NLGN4X: variants seen among roughly 807,000 people sequenced by gnomAD.
NLGN4X encodes the protein neuroligin 4 X-linked.
NLGN4X carries 3 observed loss-of-function variants against 40.3 expected under a neutral mutation model. The observed-to-expected ratio is 0.07, with a 90% confidence interval of 0.03 to 0.19. NLGN4X has a LOEUF of 0.19. Among genes scored for constraint, NLGN4X ranks in the 10% least tolerant of loss-of-function variants. NLGN4X has a pLI of 1.00. For missense variants in NLGN4X, 382 were observed against 708.3 expected, an observed-to-expected ratio of 0.54 and a Z score of 5.23; for synonymous variants, 270 against 306.8, an observed-to-expected ratio of 0.88 and a Z score of 1.25.
At chrX:6,102,731 GATAT>G (rs941835319) in intron 2 of NLGN4X, among the ~76,000 whole-genome samples, 6 of 110,061 alleles carry the variant, frequency 5.5e-5, no homozygotes, top group Admixed American at 3.9e-4. Context: ...AAGATAGATC[GATAT>G]ATATATAGAT....
intron 1 of NLGN4X, among the ~76,000 whole-genome samples, chrX:6,212,275 T>G (rs757697791): frequency 9.2e-6 from 1 of 108,893 alleles, no homozygotes; most frequent in African/African-American, 3.3e-5. Context: ...TTGAAATGGC[T>G]ACGATTTGCT....
intron 1 of NLGN4X, among the ~76,000 whole-genome samples, chrX:6,164,856 G>C (rs1380236773): frequency 9.0e-6 from 1 of 111,326 alleles, no homozygotes; most frequent in Non-Finnish European, 1.9e-5. Context: ...TCCTATTTCG[G>C]TGTGATGCTT....
At chrX:5,902,979 C>T (rs1385143149) in intron 5 of NLGN4X, 98 bp downstream of exon 5, 45 of 955,940 alleles carry the variant, frequency 4.7e-5, no homozygotes, top group South Asian at 7.9e-5. Context: ...TGTGTGTATG[C>T]GTGTGTGCTC....
chrX:6,140,184 A>AGAT (rs1490953105), intron 2 of NLGN4X, among the ~76,000 whole-genome samples: 2 of 111,594 alleles, frequency 1.8e-5, no homozygotes, highest in Non-Finnish European at 3.8e-5. Flanking sequence ...CCTTTGCCTG[A>AGAT]GATAAATCAG....
intron 1 of NLGN4X, among the ~76,000 whole-genome samples, chrX:6,192,479 A>G (rs909474084): frequency 9.0e-5 from 10 of 111,372 alleles, no homozygotes; most frequent in African/African-American, 2.9e-4. Flanking sequence ...CCCATGTTTG[A>G]CAGCAAAGAA....
chrX:6,095,045 C>A (rs1478732109), intron 2 of NLGN4X, among the ~76,000 whole-genome samples: 2 of 106,599 alleles, frequency 1.9e-5, no homozygotes, highest in Non-Finnish European at 3.8e-5. Flanking sequence ...TCCATGTGTA[C>A]GAGCCTTAGT....
intron 1 of NLGN4X, among the ~76,000 whole-genome samples, chrX:6,173,041 T>C (rs1421548490): frequency 8.9e-6 from 1 of 112,237 alleles, no homozygotes; most frequent in Non-Finnish European, 1.9e-5. Context: ...CCTTATGTCC[T>C]AACTTTCTCA....
intron 2 of NLGN4X, among the ~76,000 whole-genome samples, chrX:6,040,348 G>C (rs186246663): frequency 9.3e-4 from 104 of 111,547 alleles, no homozygotes; most frequent in African/African-American, 3.3e-3. Flanking sequence ...AGTTTACACA[G>C]TTGAGCATTG....
rs934576067 is a variant in NLGN4X at position 6,054,129 on chromosome X, G to A, written c.473-24697C>T. Among the ~76,000 whole-genome samples, 24 of 111,932 alleles carry A rather than the reference G, an allele frequency of 2.1e-4. No homozygotes were observed. The Admixed American group carries it at 2.2e-3, about 10-fold the overall frequency. ...ACTTAGTCAAGAAGGTGTTTAATAC[G>A]TGCAACTTTTTTTTTATTTATTTTT... On this transcript the variant is annotated intron_variant, in intron 2 of 5. Coordinates refer to ENST00000381095, the MANE Select transcript of NLGN4X (RefSeq NM_181332.3).
intron 3 of NLGN4X, among the ~76,000 whole-genome samples, chrX:5,910,586 G>A (rs2032430310): frequency 9.0e-6 from 1 of 111,055 alleles, no homozygotes; most frequent in African/African-American, 3.3e-5. Context: ...GAGTGACTGA[G>A]TGCCGGCTTC....
At chrX:5,976,463 G>A (rs765119436) in intron 3 of NLGN4X, among the ~76,000 whole-genome samples, 27 of 112,195 alleles carry the variant, frequency 2.4e-4, no homozygotes, top group Non-Finnish European at 3.9e-4. Context: ...AGTGACTAAT[G>A]AAACTTCTTG....
At chrX:6,184,997 C>T (rs1205414191) in intron 1 of NLGN4X, among the ~76,000 whole-genome samples, 2 of 112,468 alleles carry the variant, frequency 1.8e-5, no homozygotes, top group Non-Finnish European at 3.8e-5. Flanking sequence ...TTAGACCTTA[C>T]GGCTACTGGT....
At chrX:5,922,525 G>A (rs2033111257) in intron 3 of NLGN4X, among the ~76,000 whole-genome samples, 1 of 111,547 alleles carries the variant, frequency 9.0e-6, no homozygotes, top group Non-Finnish European at 1.9e-5. Context: ...ACTTTATGCT[G>A]TACTGCCTCA....
intron 1 of NLGN4X, among the ~76,000 whole-genome samples, chrX:6,184,759 T>C (rs891205787): frequency 8.9e-6 from 1 of 112,493 alleles, no homozygotes; most frequent in African/African-American, 3.2e-5. Context: ...GATAACTTCA[T>C]CTTCCCATCC....
At chrX:6,071,186 T>C (rs573506937) in intron 2 of NLGN4X, among the ~76,000 whole-genome samples, 1 of 111,752 alleles carries the variant, frequency 8.9e-6, no homozygotes, top group South Asian at 3.8e-4. Context: ...TATTGAGACT[T>C]ACCCATATGA....
chrX:5,922,308 T>C (rs1463915300), intron 3 of NLGN4X, among the ~76,000 whole-genome samples: 1 of 110,989 alleles, frequency 9.0e-6, no homozygotes, highest in Non-Finnish European at 1.9e-5. Flanking sequence ...TAGTTAAAAA[T>C]AATATAATAT....
At chrX:5,983,840 G>A (rs1411840046) in intron 3 of NLGN4X, among the ~76,000 whole-genome samples, 4 of 111,898 alleles carry the variant, frequency 3.6e-5, no homozygotes, top group Non-Finnish European at 7.5e-5. Context: ...CAGCTACTCA[G>A]GAGGCTGAGG....
At chrX:6,139,259 C>T (rs2039888974) in intron 2 of NLGN4X, among the ~76,000 whole-genome samples, 1 of 111,669 alleles carries the variant, frequency 9.0e-6, no homozygotes, top group Admixed American at 9.6e-5. Flanking sequence ...AGAATGGGAC[C>T]TCATGTTCTT....
intron 3 of NLGN4X, among the ~76,000 whole-genome samples, chrX:5,946,198 C>G (rs1468546343): frequency 3.6e-5 from 4 of 111,319 alleles, no homozygotes; most frequent in Non-Finnish European, 5.7e-5. Flanking sequence ...AAGTGATACC[C>G]ACCCCCATGA....
Sources: gnomAD v4.1 joint callset for allele counts (sites outside exome capture counted in the v4.1 genomes callset) on GRCh38, gnomAD v4.1.1 for gene constraint, MANE v1.5 for transcripts, NCBI Gene and HGNC (gene_info 2026-07-23, HGNC 2026-07-21) for gene names.